The following PLXNA4 variants were observed in gnomAD, a reference collection of about 807,000 sequenced individuals.
PLXNA4 encodes the protein plexin-A4.
Under a neutral mutation model 191.8 loss-of-function variants are expected in PLXNA4, and 44 were observed. The observed-to-expected ratio is 0.23, with a 90% CI of 0.18 to 0.29. The LOEUF (loss-of-function observed/expected upper bound fraction) is 0.29. PLXNA4 is among the 10% of genes least tolerant of loss of function. The pLI is 1.00. For missense variants in PLXNA4, 1,800 were observed against 2,488.8 expected (o/e 0.72, Z 5.89); for synonymous variants, 1,082 against 1,009.5 (o/e 1.07, Z -1.36).
At chr7:132,328,424 C>A (rs900426141) in intron 3 of PLXNA4, among the ~76,000 whole-genome samples, 9 of 152,166 alleles carry the variant, frequency 5.9e-5, no homozygotes, top group Admixed American at 2.6e-4. Flanking sequence ...GAGGGCTGGA[C>A]AAAAAGGGCA....
intron 1 of PLXNA4, among the ~76,000 whole-genome samples, chr7:132,515,425 T>C (rs1247654413): frequency 6.6e-6 from 1 of 152,230 alleles, no homozygotes; most frequent in East Asian, 1.9e-4. Flanking sequence ...GGGTTCGGTT[T>C]TCTGGCACTT....
intron 4 of PLXNA4, among the ~76,000 whole-genome samples, chr7:132,287,994 G>A (rs1266745757): frequency 6.6e-6 from 1 of 152,142 alleles, no homozygotes; most frequent in Non-Finnish European, 1.5e-5. Context: ...CCAAGAGTGG[G>A]GCGTACCACT....
intron 3 of PLXNA4, chr7:132,383,696 A>G (rs1422760682): frequency 2.0e-6 from 2 of 982,836 alleles, no homozygotes; most frequent in Non-Finnish European, 2.4e-6. Context: ...CCAATTTTTG[A>G]TAGACTAAAT....
At chr7:132,141,832 C>A (rs181826132) in intron 29 of PLXNA4, among the ~76,000 whole-genome samples, 139 of 152,250 alleles carry the variant, frequency 9.1e-4, no homozygotes, top group African/African-American at 3.3e-3. Flanking sequence ...TGGGTTCAAG[C>A]GATTCTTCTG....
chr7:132,347,152 A>G (rs1333768866), intron 3 of PLXNA4, among the ~76,000 whole-genome samples: 1 of 152,172 alleles, frequency 6.6e-6, no homozygotes, highest in Non-Finnish European at 1.5e-5. Context: ...CCCTCTCCCC[A>G]GTGGAATAAC....
intron 2 of PLXNA4, among the ~76,000 whole-genome samples, chr7:132,610,163 G>C (rs1230516426): frequency 6.6e-6 from 1 of 152,210 alleles, no homozygotes; most frequent in Non-Finnish European, 1.5e-5. Context: ...CGAGCAGAGA[G>C]TGAAATAATG....
chr7:132,551,426 A>C (rs1800555997), intron 1 of PLXNA4, among the ~76,000 whole-genome samples: 1 of 152,224 alleles, frequency 6.6e-6, no homozygotes, highest in South Asian at 2.1e-4. Context: ...AATAGTGAGC[A>C]ACTCAAGAAC....
At chr7:132,193,452 AC>A (rs1316515352) in intron 14 of PLXNA4, among the ~76,000 whole-genome samples, 1 of 152,204 alleles carries the variant, frequency 6.6e-6, no homozygotes, top group African/African-American at 2.4e-5. Context: ...AGACTAAGAC[AC>A]TGGGGTGAAG....
chr7:132,153,035 C>A (rs1273056073), intron 25 of PLXNA4, among the ~76,000 whole-genome samples: 1 of 152,208 alleles, frequency 6.6e-6, no homozygotes, highest in Non-Finnish European at 1.5e-5. Flanking sequence ...AAAACATAAG[C>A]CCTTGCCCTT....
intron 2 of PLXNA4, among the ~76,000 whole-genome samples, chr7:132,589,660 C>T (rs1802569622): frequency 6.6e-6 from 1 of 152,166 alleles, no homozygotes; most frequent in Non-Finnish European, 1.5e-5. Context: ...CCAAGTACTG[C>T]TCTAGGTGCT....
intron 3 of PLXNA4, among the ~76,000 whole-genome samples, chr7:132,423,582 G>C (rs1794929309): frequency 6.6e-6 from 1 of 152,206 alleles, no homozygotes; most frequent in African/African-American, 2.4e-5. Context: ...TGAAGCCAAA[G>C]AGGGGAAGTG....
At chr7:132,472,026 A>G (rs1263447699) in intron 3 of PLXNA4, among the ~76,000 whole-genome samples, 1 of 152,190 alleles carries the variant, frequency 6.6e-6, no homozygotes, top group Non-Finnish European at 1.5e-5. Flanking sequence ...CTGATGGAGT[A>G]TTTCTCGGAA....
chr7:132,294,241 G>T (rs2116479030), intron 4 of PLXNA4, among the ~76,000 whole-genome samples: 1 of 152,324 alleles, frequency 6.6e-6, no homozygotes, highest in African/African-American at 2.4e-5. Flanking sequence ...TCCAGGCAAA[G>T]GGGAACAACC....
chr7:132,314,885 TC>T, intron 3 of PLXNA4, among the ~76,000 whole-genome samples: 1 of 152,350 alleles, frequency 6.6e-6, no homozygotes, highest in East Asian at 1.9e-4. Context: ...AACAAAATTG[TC>T]TTGCGTCACT....
At chr7:132,384,941 C>A in intron 3 of PLXNA4, 1 of 1,312,904 alleles carries the variant, frequency 7.6e-7, no homozygotes, top group Non-Finnish European at 9.8e-7. Context: ...TCAAACATGC[C>A]TACACTCCAT....
At chr7:132,421,888 A>T (rs1027589472) in intron 3 of PLXNA4, among the ~76,000 whole-genome samples, 1 of 152,142 alleles carries the variant, frequency 6.6e-6, no homozygotes, top group East Asian at 1.9e-4. Context: ...GATGTCAAAT[A>T]CATCACTGCT....
At chr7:132,462,840 T>C (rs1796564474) in intron 3 of PLXNA4, among the ~76,000 whole-genome samples, 1 of 12,560 alleles carries the variant, frequency 8.0e-5, no homozygotes, top group African/African-American at 1.0e-4. Flanking sequence ...TCTATAATTT[T>C]TTTTTTTTTT....
rs139934129 is a variant in PLXNA4 at position 132,434,702 on chromosome 7, C to T, written c.1371+54590G>A. On this transcript the variant is annotated intron_variant, in intron 3 of 31. Coordinates refer to ENST00000321063, the MANE Select transcript of PLXNA4 (RefSeq NM_020911.2). ...CCCCATCTTGCCTCATTTGGGGACA[C>T]CAAGGCACACAGACCATGAATGATG... Among the ~76,000 whole-genome samples, 481 of 152,296 alleles carry T rather than the reference C, an allele frequency of 3.2e-3. 5 individuals are homozygous for T. Among genetic ancestry groups the T allele is most frequent in the African/African-American group, 0.011 (447 of 41,550 alleles).
intron 1 of PLXNA4, among the ~76,000 whole-genome samples, chr7:132,562,646 C>T (rs1419890686): frequency 8.8e-6 from 1 of 113,086 alleles, no homozygotes; most frequent in Non-Finnish European, 1.8e-5. Context: ...TCCTCTTTCT[C>T]CTCCTCCTCC....
Sources: allele counts gnomAD v4.1 joint callset (sites outside exome capture counted in the v4.1 genomes callset), GRCh38; gene constraint gnomAD v4.1.1; transcripts MANE v1.5; gene names NCBI Gene and HGNC (gene_info 2026-07-23, HGNC 2026-07-21).